RERE: variants seen among roughly 807,000 people sequenced by gnomAD.
RERE encodes arginine-glutamic acid dipeptide repeats protein.
In RERE, 40 loss-of-function variants were observed where a neutral mutation model predicts 146.1. That is an observed-to-expected ratio of 0.27 (90% CI 0.21 to 0.36). RERE has a LOEUF of 0.36. Among genes scored for constraint, RERE ranks in the 10% least tolerant of loss-of-function variants. The pLI is 1.00. For missense variants in RERE, 1,933 were observed against 2,138.7 expected, an observed-to-expected ratio of 0.90 and a Z score of 1.90; for synonymous variants, 1,003 against 866.0, an observed-to-expected ratio of 1.16 and a Z score of -2.78.
At position 8,423,044 on chromosome 1, in the gene RERE, A is replaced by G; in HGVS notation, c.1204-237T>C. 1 of 498,598 alleles carries G rather than the reference A, an allele frequency of 2.0e-6. No homozygotes were observed. Among genetic ancestry groups the G allele is most frequent in the East Asian group, 3.3e-5 (1 of 30,762 alleles). 30.9% of individuals were successfully genotyped at this position (498,598 alleles called of 1,614,324 possible). ...CACCACGCAGGGCAGCGCGTTTAAG[A>G]GAAGGACGTCCTGCGTCTGAGGCTA... On this transcript the variant is annotated intron_variant, in intron 11 of 22. Transcript: ENST00000400908. This position sits in a 1 kb window ranked among gnomAD's most constrained non-coding sequence, Gnocchi z 5.4.
intron 2 of RERE, among the ~76,000 whole-genome samples, chr1:8,639,497 C>T (rs552312476): frequency 6.6e-6 from 1 of 152,184 alleles, no homozygotes; most frequent in Non-Finnish European, 1.5e-5. Flanking sequence ...CAAATATCTT[C>T]CAGCCAGTCC....
chr1:8,815,743 G>A (rs1010151848), intron 1 of RERE, among the ~76,000 whole-genome samples: 1 of 152,102 alleles, frequency 6.6e-6, no homozygotes, highest in Non-Finnish European at 1.5e-5. Context: ...AAAAAGAGCT[G>A]TGTTTGTCTG....
At chr1:8,764,283 T>A (rs1640807530) in intron 1 of RERE, among the ~76,000 whole-genome samples, 1 of 152,186 alleles carries the variant, frequency 6.6e-6, no homozygotes, top group Admixed American at 6.6e-5. Context: ...GCAACTGCAA[T>A]GTGTCGCTCT....
At position 8,787,683 on chromosome 1, in the gene RERE, T is replaced by C. The variant is rs200323982; in HGVS notation, c.-145+29477A>G. 2.0e-5 allele frequency among the ~76,000 whole-genome samples: 3 copies of C among 151,872 alleles called. No homozygotes were observed. In the East Asian group the frequency reaches 5.8e-4, roughly 29 times the overall value. ...TCGTCTCTACTAAAATTACAAAAAT[T>C]AGCCAGGCGTCGTGGTGGGTGCCTG... On this transcript the variant is annotated intron_variant, in intron 1 of 22. Coordinates refer to ENST00000400908, the MANE Select transcript of RERE (RefSeq NM_001042681.2).
At chr1:8,726,147 CTTTTTTTTTTTTT>C (rs70985511) in intron 1 of RERE, among the ~76,000 whole-genome samples, 14 of 69,406 alleles carry the variant, frequency 2.0e-4, no homozygotes, top group Non-Finnish European at 3.5e-4. Context: ...TTTTTCTTTT[CTTTTTTTTTTTTT>C]TTTTTTTTTT....
chr1:8,663,920 G>C (rs1638511900), intron 1 of RERE, among the ~76,000 whole-genome samples: 1 of 152,068 alleles, frequency 6.6e-6, no homozygotes. Flanking sequence ...CTGACCCTCA[G>C]AGTCTCCAGT....
chr1:8,489,438 A>G (rs546598341), intron 10 of RERE, among the ~76,000 whole-genome samples: 5 of 152,144 alleles, frequency 3.3e-5, no homozygotes, highest in African/African-American at 9.6e-5. Flanking sequence ...CCCAATACAT[A>G]TATCAAAGGA....
At position 8,375,604 on chromosome 1, in the gene RERE, G is replaced by GCTCAGCAGCCACTGAAAATGCTTCCTCA. The variant is rs1557597324; in HGVS notation, c.1285-9658_1285-9631dup. Among the ~76,000 whole-genome samples the GCTCAGCAGCCACTGAAAATGCTTCCTCA allele has an allele frequency of 6.0e-3, 542 of 90,324 alleles. 254 individuals are homozygous for GCTCAGCAGCCACTGAAAATGCTTCCTCA. Among genetic ancestry groups the GCTCAGCAGCCACTGAAAATGCTTCCTCA allele is most frequent in the Middle Eastern group, 0.026 (4 of 156 alleles). 59.3% of individuals were successfully genotyped at this position (90,324 alleles called of 152,430 possible). A position where few individuals can be genotyped will look rare whatever the true frequency, so the allele number is the denominator to read the frequency against. Reference sequence around the variant, plus strand: ...CAGCAGCCACTGAAAATGCTTCCTCGCTCAGCAGCCACTGAAAATGCTTCC... The same window carrying GCTCAGCAGCCACTGAAAATGCTTCCTCA: ...CAGCAGCCACTGAAAATGCTTCCTCGCTCAGCAGCCACTGAAAATGCTTCCTCACTCAGCAGCCACTGAAAATGCTTCC... On this transcript the variant is annotated intron_variant, in intron 12 of 22. Coordinates refer to ENST00000400908, the MANE Select transcript of RERE (RefSeq NM_001042681.2).
At chr1:8,729,650 A>C (rs1640043788) in intron 1 of RERE, among the ~76,000 whole-genome samples, 1 of 152,216 alleles carries the variant, frequency 6.6e-6, no homozygotes, top group African/African-American at 2.4e-5. Context: ...CTTTACAGAA[A>C]AAGACTGCCA....
intron 7 of RERE, among the ~76,000 whole-genome samples, chr1:8,528,631 A>G (rs1328429267): frequency 2.0e-5 from 3 of 152,192 alleles, no homozygotes; most frequent in African/African-American, 7.2e-5. Context: ...CTGAGCACCA[A>G]CATGATGCTC....
At chr1:8,726,147 C>CTTTTTTTTTTTTTTTTTTTTT (rs70985511) in intron 1 of RERE, among the ~76,000 whole-genome samples, 2 of 69,406 alleles carry the variant, frequency 2.9e-5, no homozygotes, top group Non-Finnish European at 5.0e-5. Context: ...TTTTTCTTTT[C>CTTTTTTTTTTTTTTTTTTTTT]TTTTTTTTTT....
chr1:8,499,382 T>C (rs1645098028), intron 8 of RERE, among the ~76,000 whole-genome samples: 1 of 152,256 alleles, frequency 6.6e-6, no homozygotes, highest in African/African-American at 2.4e-5. Flanking sequence ...TGAACAGCTA[T>C]GTGTGGCAGT....
intron 11 of RERE, among the ~76,000 whole-genome samples, chr1:8,439,811 G>A (rs746211443): frequency 2.0e-5 from 3 of 152,204 alleles, no homozygotes; most frequent in Non-Finnish European, 4.4e-5. Context: ...AGTGGCTCAC[G>A]CCTGTAATCC....
At chr1:8,595,640 T>C (rs1646547163) in intron 4 of RERE, among the ~76,000 whole-genome samples, 1 of 152,190 alleles carries the variant, frequency 6.6e-6, no homozygotes, top group Non-Finnish European at 1.5e-5. Flanking sequence ...GTTTAAGCAA[T>C]ATTTAATTGC....
intron 12 of RERE, among the ~76,000 whole-genome samples, chr1:8,371,052 A>T (rs984358525): frequency 6.6e-6 from 1 of 152,184 alleles, no homozygotes; most frequent in African/African-American, 2.4e-5. Context: ...TCTCGGTGCT[A>T]TAATTGCACA....
At chr1:8,411,676 G>A (rs1643619584) in intron 12 of RERE, among the ~76,000 whole-genome samples, 1 of 152,010 alleles carries the variant, frequency 6.6e-6, no homozygotes, top group South Asian at 2.1e-4. Flanking sequence ...CTAAATTCCT[G>A]ATCTACAAAA....
chr1:8,534,275 G>C (rs1240513077), intron 7 of RERE, among the ~76,000 whole-genome samples: 1 of 152,160 alleles, frequency 6.6e-6, no homozygotes, highest in Non-Finnish European at 1.5e-5. Context: ...CAAAGTGACA[G>C]AAAATTAAGA....
intron 1 of RERE, among the ~76,000 whole-genome samples, chr1:8,790,553 T>C (rs1641345567): frequency 6.6e-6 from 1 of 152,208 alleles, no homozygotes; most frequent in African/African-American, 2.4e-5. Context: ...ATCCTTCATA[T>C]AGAAATAAAC....
intron 8 of RERE, among the ~76,000 whole-genome samples, chr1:8,508,096 A>G (rs960586782): frequency 3.7e-4 from 56 of 152,350 alleles, no homozygotes; most frequent in African/African-American, 1.1e-3. Context: ...ATGAATAGAT[A>G]AACAGTGATA....
Sources: gnomAD v4.1 joint callset for allele counts (sites outside exome capture counted in the v4.1 genomes callset) on GRCh38, gnomAD v4.1.1 for gene constraint, Gnocchi (gnomAD v3.1) non-coding constraint, MANE v1.5 for transcripts, NCBI Gene and HGNC (gene_info 2026-07-23, HGNC 2026-07-21) for gene names.